The following MTRR variants were observed in gnomAD, a reference collection of about 807,000 sequenced individuals.
MTRR encodes methionine synthase reductase.
Under a neutral mutation model 79.2 loss-of-function variants are expected in MTRR, and 63 were observed. That is an observed-to-expected ratio of 0.80 (90% CI 0.65 to 0.98). The LOEUF (loss-of-function observed/expected upper bound fraction) is 0.98. Ranked by LOEUF, MTRR falls within the 50% of genes least tolerant of loss-of-function variation. MTRR has a pLI of 0.00. For missense variants in MTRR, 895 were observed against 839.6 expected (o/e 1.07, Z -0.82); for synonymous variants, 355 against 313.3 (o/e 1.13, Z -1.41).
At chr5:7,871,746 T>C (rs1406851962) in intron 2 of MTRR, among the ~76,000 whole-genome samples, 2 of 152,186 alleles carry the variant, frequency 1.3e-5, no homozygotes, top group Admixed American at 1.3e-4. Context: ...ACTCACCTAG[T>C]TCCTTTATGC....
In MTRR at chr5:7,857,593, C is replaced by G. The variant is rs567812153; in HGVS notation, n.392-4358C>G. On this transcript the variant is annotated intron_variant and non_coding_transcript_variant, in intron 1 of 3. Transcript: ENST00000502509. The stretch of plus-strand genomic sequence containing the variant: ...TCAGCTTACAAATCACTCTGAGGCT[C>G]TCTCTCACTGCCCAGGTGGGCATGA... Among the ~76,000 whole-genome samples the G allele has an allele frequency of 4.6e-5, 7 of 152,342 alleles. No homozygotes were observed. The South Asian group carries it at 1.0e-3, about 23-fold the overall frequency.
intron 1 of MTRR, among the ~76,000 whole-genome samples, chr5:7,852,648 G>C (rs1746109540): frequency 6.6e-6 from 1 of 152,044 alleles, no homozygotes; most frequent in Admixed American, 6.5e-5. Flanking sequence ...AAGGAAAAGG[G>C]GCTCTTATTT....
chr5:7,861,654 T>C (rs763457840), intron 1 of MTRR: 36 of 1,608,248 alleles, frequency 2.2e-5, no homozygotes, highest in Non-Finnish European at 2.9e-5. Flanking sequence ...TTTCAACATC[T>C]GGTGAGAGAA....
chr5:7,853,762 C>T (rs1561078799), intron 1 of MTRR, among the ~76,000 whole-genome samples: 1 of 152,210 alleles, frequency 6.6e-6, no homozygotes, highest in Non-Finnish European at 1.5e-5. Context: ...CAGTTGTTGA[C>T]TCCTGAACTT....
At chr5:7,897,925 T>C (rs1245471191) in intron 14 of MTRR, among the ~76,000 whole-genome samples, 1 of 152,184 alleles carries the variant, frequency 6.6e-6, no homozygotes, top group African/African-American at 2.4e-5. Flanking sequence ...TTCTTTTTTT[T>C]TTCAACTGTA....
Position 7,899,923 on chromosome 5 carries a change from G to T in MTRR, c.1962G>T (p.Lys654Asn). The T allele has an allele frequency of 6.2e-7, 1 of 1,614,176 alleles. No homozygotes were observed. The highest frequency in any genetic ancestry group is 8.5e-7 in the Non-Finnish European group (1 of 1,180,022). ...NGHIYVCGDA[K>N]NMAKDVHDAL... ...TTATTTTCTTTTCTAGAGATGCAAA[G>T]AATATGGCCAAGGATGTACATGATG... Residue 654 changes from lysine to asparagine, a missense_variant, in exon 15 of 15, where the codon AAG becomes AAT. By Grantham distance (94) the Lys-to-Asn change is moderately conservative (BLOSUM62 0). Coordinates refer to ENST00000440940, the MANE Select transcript of MTRR (RefSeq NM_002454.3).
At chr5:7,870,127 T>C in intron 1 of MTRR, 1 of 968,628 alleles carries the variant, frequency 1.0e-6, no homozygotes, top group Non-Finnish European at 1.2e-6. Flanking sequence ...TTAAGTGGAT[T>C]GGAAATATTT....
intron 8 of MTRR, among the ~76,000 whole-genome samples, chr5:7,888,877 A>G (rs1308683100): frequency 6.6e-6 from 1 of 152,208 alleles, no homozygotes; most frequent in Admixed American, 6.5e-5. Context: ...TCAGAATTTT[A>G]TTAGTTTTAT....
chr5:7,869,034 G>A (rs780582672), upstream of MTRR: 1 of 1,411,108 alleles, frequency 7.1e-7, no homozygotes, highest in South Asian at 1.1e-5. Context: ...GGCGTCGTGG[G>A]CCTCCGTAGC....
chr5:7,896,517 G>A (rs552447941), intron 12 of MTRR: 4 of 343,404 alleles, frequency 1.2e-5, no homozygotes, highest in African/African-American at 2.1e-5. Flanking sequence ...GCCTTTAACA[G>A]CCCTGAGCCA....
At chr5:7,857,193 C>T (rs1286098928) in intron 1 of MTRR, among the ~76,000 whole-genome samples, 1 of 152,066 alleles carries the variant, frequency 6.6e-6, no homozygotes, top group Non-Finnish European at 1.5e-5. Flanking sequence ...AAAGGTTATG[C>T]AATTATTAAA....
At chr5:7,867,805 A>G (rs1359800152), upstream of MTRR, 3 of 1,614,002 alleles carry the variant, frequency 1.9e-6, no homozygotes, top group Admixed American at 5.0e-5. Context: ...CATTTTTAAC[A>G]TTTTGTTCAA....
rs1579657342 is a variant in MTRR at position 7,878,085 on chromosome 5, G to A, written c.543G>A (p.Lys181=). 1 of 1,614,034 alleles carries A rather than the reference G, an allele frequency of 6.2e-7. No homozygotes were observed. Among genetic ancestry groups the A allele is most frequent in the African/African-American group, 1.3e-5 (1 of 75,006 alleles). The change falls in exon 5 of 15, where the codon AAG becomes AAA. Residue 181 remains lysine (K), a synonymous_variant. Coordinates refer to ENST00000440940, the MANE Select transcript of MTRR (RefSeq NM_002454.3). ...CATCCTCGAGGACAGACCTTGTGAA[G>A]TCAGAGCTGCTACACATTGAATCTC... ...SPASSRTDLV[K]SELLHIESQV... is the part of the protein sequence containing the mutation.
chr5:7,870,174 C>G (rs1035800059), intron 1 of MTRR: 9 of 589,922 alleles, frequency 1.5e-5, no homozygotes, highest in African/African-American at 6.1e-5. Flanking sequence ...TATGCCCATA[C>G]ACTCACATAT....
intron 14 of MTRR, among the ~76,000 whole-genome samples, chr5:7,898,965 G>A (rs138990687): frequency 0.017 from 2,550 of 152,168 alleles, 33 homozygotes; most frequent in Non-Finnish European, 0.025. Flanking sequence ...ACATGGTGCC[G>A]GCACCTGCTT....
rs559790528 is a variant in MTRR, at chr5:7,882,557, G to GT, written c.781-597dup. On this transcript the variant is annotated intron_variant, in intron 5 of 14. Coordinates refer to ENST00000440940, the MANE Select transcript of MTRR (RefSeq NM_002454.3). Reference sequence around the variant, plus strand: ...TTAAACTTAGGAATATAGAAAAGGAGTAGGGAGTATTATAAAGAACTGGGA... The same window carrying GT: ...TTAAACTTAGGAATATAGAAAAGGAGTTAGGGAGTATTATAAAGAACTGGGA... Among the ~76,000 whole-genome samples the GT allele has an allele frequency of 1.0e-3, 159 of 152,332 alleles. 2 individuals are homozygous for GT. Among genetic ancestry groups the GT allele is most frequent in the Middle Eastern group, 6.8e-3 (2 of 294 alleles).
Position 7,878,110 on chromosome 5 carries a change from C to T in MTRR, c.568C>T (p.Gln190Ter). ...GTCAGAGCTGCTACACATTGAATCT[C>T]AAGTCGAGCTTCTGAGATTCGATGA... ...VKSELLHIES[Q>*]VELLRFDDSG... Residue 190 changes from glutamine (Q) to a stop codon, truncating the protein, a stop_gained, in exon 5 of 15, where the codon CAA becomes TAA. Coordinates refer to ENST00000440940, the MANE Select transcript of MTRR (RefSeq NM_002454.3). LOFTEE classifies it high-confidence loss of function. 6.2e-7 allele frequency: 1 copy of T among 1,613,988 alleles called. No homozygotes were observed. Among genetic ancestry groups the T allele is most frequent in the Non-Finnish European group, 8.5e-7 (1 of 1,179,996 alleles).
chr5:7,879,462 CAAAAAAAAAAAA>C (rs35558077), intron 5 of MTRR, among the ~76,000 whole-genome samples: 1 of 88,576 alleles, frequency 1.1e-5, no homozygotes, highest in East Asian at 3.3e-4. Flanking sequence ...GACTCCGTCT[CAAAAAAAAAAAA>C]AAAAAAAAAA....
At chr5:7,856,438 G>C (rs1746248761) in intron 1 of MTRR, among the ~76,000 whole-genome samples, 1 of 152,184 alleles carries the variant, frequency 6.6e-6, no homozygotes, top group Non-Finnish European at 1.5e-5. Context: ...CCTTCTTACA[G>C]ACCATTCCTT....
Sources: allele counts gnomAD v4.1 joint callset (sites outside exome capture counted in the v4.1 genomes callset), GRCh38; gene constraint gnomAD v4.1.1; transcripts MANE v1.5; gene names NCBI Gene and HGNC (gene_info 2026-07-23, HGNC 2026-07-21).